The following HHIP variants were observed in gnomAD, a reference collection of about 807,000 sequenced individuals.
HHIP encodes the protein hedgehog interacting protein.
A neutral mutation model predicts 74.0 loss-of-function variants in HHIP; 12 were observed. That is an observed-to-expected ratio of 0.16 (90% CI 0.10 to 0.26). HHIP has a LOEUF of 0.26. Among genes scored for constraint, HHIP ranks in the 10% least tolerant of loss-of-function variants. HHIP has a pLI of 1.00. For synonymous variants in HHIP, 309 were observed against 311.6 expected, an observed-to-expected ratio of 0.99 and a Z score of 0.09; for missense variants, 788 against 845.0, an observed-to-expected ratio of 0.93 and a Z score of 0.84.
intron 4 of HHIP, among the ~76,000 whole-genome samples, chr4:144,684,986 C>A (rs983213301): frequency 6.6e-6 from 1 of 152,174 alleles, no homozygotes; most frequent in African/African-American, 2.4e-5. Flanking sequence ...ACAACTGCAA[C>A]CTTTTGCACT....
chr4:144,676,608 G>A (rs1729176292), intron 4 of HHIP, among the ~76,000 whole-genome samples: 2 of 152,086 alleles, frequency 1.3e-5, no homozygotes, highest in Admixed American at 1.3e-4. Flanking sequence ...CAATGAACAA[G>A]GCCCATCTCT....
intron 4 of HHIP, among the ~76,000 whole-genome samples, chr4:144,668,894 T>G (rs1050251779): frequency 6.6e-6 from 1 of 152,178 alleles, no homozygotes; most frequent in Non-Finnish European, 1.5e-5. Flanking sequence ...GCAAATTTGC[T>G]CTTTGGTTTG....
At chr4:144,676,415 C>T (rs571836359) in intron 4 of HHIP, among the ~76,000 whole-genome samples, 3 of 152,258 alleles carry the variant, frequency 2.0e-5, no homozygotes, top group Admixed American at 6.5e-5. Flanking sequence ...TTAGATATGG[C>T]TAGGAGCAGA....
chr4:144,684,665 T>A (rs1729439892), intron 4 of HHIP, among the ~76,000 whole-genome samples: 1 of 152,178 alleles, frequency 6.6e-6, no homozygotes, highest in Non-Finnish European at 1.5e-5. Context: ...TTTAGCATAT[T>A]TATCTAAATA....
chr4:144,678,388 T>G (rs576347186), intron 4 of HHIP, among the ~76,000 whole-genome samples: 1 of 152,276 alleles, frequency 6.6e-6, no homozygotes, highest in South Asian at 2.1e-4. Flanking sequence ...TAAAGAAGTA[T>G]GACTTTTTTT....
chr4:144,658,199 G>A (rs192499441), intron 2 of HHIP, among the ~76,000 whole-genome samples: 80 of 152,184 alleles, frequency 5.3e-4, no homozygotes, highest in African/African-American at 1.8e-3. Context: ...CAATGCAATA[G>A]CAAGATAAAT....
chr4:144,721,560 AT>A (rs1252280614), intron 11 of HHIP, among the ~76,000 whole-genome samples: 1 of 151,252 alleles, frequency 6.6e-6, no homozygotes, highest in African/African-American at 2.4e-5. Context: ...ATGAAAAAAA[AT>A]AGAAAATGCC....
intron 11 of HHIP, among the ~76,000 whole-genome samples, chr4:144,720,995 G>A (rs1476922366): frequency 1.3e-5 from 2 of 151,862 alleles, no homozygotes; most frequent in Non-Finnish European, 2.9e-5. Context: ...AAATTTTTGA[G>A]GTAGAATTTT....
intron 4 of HHIP, among the ~76,000 whole-genome samples, chr4:144,671,708 C>T (rs1729043372): frequency 6.6e-6 from 1 of 151,988 alleles, no homozygotes; most frequent in Admixed American, 6.6e-5. Flanking sequence ...CTAAATAATA[C>T]CTTGGGTCAG....
chr4:144,655,888 G>A (rs1728546303), intron 2 of HHIP, among the ~76,000 whole-genome samples: 1 of 152,040 alleles, frequency 6.6e-6, no homozygotes, highest in Non-Finnish European at 1.5e-5. Context: ...TATTTATAGG[G>A]TGCTTTGTGG....
At chr4:144,687,016 A>G (rs888361020) in intron 4 of HHIP, among the ~76,000 whole-genome samples, 3 of 151,884 alleles carry the variant, frequency 2.0e-5, no homozygotes, top group African/African-American at 7.2e-5. Flanking sequence ...CTTAAAATAA[A>G]TCATCAAGTC....
At chr4:144,716,854 G>GAAAAAAAAAAAAAAAAAAAAAAAAA (rs869028218) in intron 10 of HHIP, among the ~76,000 whole-genome samples, 3 of 54,654 alleles carry the variant, frequency 5.5e-5, no homozygotes, top group Non-Finnish European at 6.8e-5. Context: ...CGTCTCAAAA[G>GAAAAAAAAAAAAAAAAAAAAAAAAA]AAAAAAAAAA....
At chr4:144,705,683 T>C (rs921728475) in intron 4 of HHIP, among the ~76,000 whole-genome samples, 1 of 152,240 alleles carries the variant, frequency 6.6e-6, no homozygotes, top group African/African-American at 2.4e-5. Context: ...AAAATGAAGA[T>C]AAAATGCCTT....
intron 7 of HHIP, 140 bp downstream of exon 7, chr4:144,708,451 G>C (rs758630457): frequency 2.7e-6 from 2 of 728,834 alleles, no homozygotes; most frequent in Non-Finnish European, 2.3e-6. Context: ...GTCACAACAG[G>C]TCATTACTCA....
At chr4:144,696,091 G>A (rs1166184135) in intron 4 of HHIP, among the ~76,000 whole-genome samples, 1 of 151,828 alleles carries the variant, frequency 6.6e-6, no homozygotes, top group African/African-American at 2.4e-5. Context: ...CCCTCTCTGT[G>A]CACTATAATA....
chr4:144,692,716 C>G (rs1729709074), intron 4 of HHIP, among the ~76,000 whole-genome samples: 1 of 152,158 alleles, frequency 6.6e-6, no homozygotes, highest in African/African-American at 2.4e-5. Flanking sequence ...ATAGCCCAGG[C>G]TGTGGTATAT....
At chr4:144,706,743 A>T in intron 5 of HHIP, 61 bp downstream of exon 5, 1 of 1,487,946 alleles carries the variant, frequency 6.7e-7, no homozygotes, top group Non-Finnish European at 9.1e-7. Flanking sequence ...TCATCTTTTC[A>T]TAAGTTTTTT....
intron 4 of HHIP, among the ~76,000 whole-genome samples, chr4:144,684,367 T>A (rs1322192627): frequency 4.3e-5 from 6 of 140,082 alleles, no homozygotes; most frequent in Non-Finnish European, 7.6e-5. Flanking sequence ...CACGCCATTC[T>A]CCTGCCTCAG....
At chr4:144,730,112 T>TATTC (rs1730913182) in intron 11 of HHIP, among the ~76,000 whole-genome samples, 2 of 152,214 alleles carry the variant, frequency 1.3e-5, no homozygotes, top group South Asian at 4.1e-4. Context: ...TGGTCTTAGC[T>TATTC]ATTCACAGAA....
Sources: gnomAD v4.1 joint callset for allele counts (sites outside exome capture counted in the v4.1 genomes callset) on GRCh38, gnomAD v4.1.1 for gene constraint, MANE v1.5 for transcripts, NCBI Gene and HGNC (gene_info 2026-07-23, HGNC 2026-07-21) for gene names.